Variants in FBXO31 observed in about 807,000 individuals in gnomAD.
The protein encoded by FBXO31 is F-box protein 31.
In FBXO31, 24 loss-of-function variants were observed where a neutral mutation model predicts 54.4. The observed-to-expected ratio is 0.44, with a 90% CI of 0.32 to 0.62. The LOEUF is 0.62. Among genes scored for constraint, FBXO31 ranks in the 20% least tolerant of loss-of-function variants. The pLI, the probability that FBXO31 is intolerant of heterozygous loss-of-function variation, is 0.05. For missense variants in FBXO31, 665 were observed against 787.1 expected (o/e 0.84, Z 1.86); for synonymous variants, 388 against 335.6 (o/e 1.16, Z -1.71).
chr16:87,375,275 C>A (rs1167200664), intron 1 of FBXO31, among the ~76,000 whole-genome samples: 2 of 152,092 alleles, frequency 1.3e-5, no homozygotes, highest in African/African-American at 4.8e-5. Context: ...CCACTGCACT[C>A]CAGCCTGGGT....
chr16:87,368,020 T>G (rs935181536), intron 1 of FBXO31: 19 of 152,318 alleles, frequency 1.2e-4, no homozygotes, highest in Admixed American at 8.5e-4. Context: ...TTAGCTAGGA[T>G]AGCCACATCA....
chr16:87,335,244 C>T lies in FBXO31; in HGVS notation c.996+60G>A. On this transcript the variant is annotated intron_variant, in intron 7 of 8. Transcript: ENST00000311635. The surrounding 1 kb of genome is among the most constrained non-coding windows in gnomAD (Gnocchi z 5.7). ...AGTGTCTGCCCAAGTTCCCTGACTC[C>T]ACAGCCCACTTGGGCCAGGTGCCCC... The T allele has an allele frequency of 3.4e-5, 54 of 1,604,196 alleles. 3 individuals carry two copies. In the South Asian group the frequency reaches 5.9e-4, roughly 18 times the overall value.
chr16:87,351,126 C>T lies in FBXO31; in HGVS notation c.413-3876G>A, dbSNP rs541135309. 5.9e-5 allele frequency among the ~76,000 whole-genome samples: 9 copies of T among 152,288 alleles called. No homozygotes were observed. In the South Asian group the frequency reaches 1.7e-3, roughly 28 times the overall value. On this transcript the variant is annotated intron_variant, in intron 2 of 8. Transcript: ENST00000311635. Reference sequence around the variant, plus strand: ...GACCCAGAGGGGACACAGACTTCCTCGTGGAATCGCAAAGCCTGTGTCTGA... The same window carrying T: ...GACCCAGAGGGGACACAGACTTCCTTGTGGAATCGCAAAGCCTGTGTCTGA...
intron 1 of FBXO31, among the ~76,000 whole-genome samples, chr16:87,375,935 C>A (rs895740681): frequency 2.6e-5 from 4 of 152,206 alleles, no homozygotes; most frequent in African/African-American, 9.6e-5. Flanking sequence ...AGTCACTCCA[C>A]TTCCCCACAT....
chr16:87,357,169 C>T (rs1186123323), intron 2 of FBXO31, among the ~76,000 whole-genome samples: 2 of 151,656 alleles, frequency 1.3e-5, no homozygotes, highest in Non-Finnish European at 2.9e-5. Flanking sequence ...CGCTTCAGCC[C>T]AGGAGTTCAA....
chr16:87,375,047 G>A (rs944152428), intron 1 of FBXO31, among the ~76,000 whole-genome samples: 2 of 152,144 alleles, frequency 1.3e-5, no homozygotes, highest in African/African-American at 2.4e-5. Flanking sequence ...GGCCAGGTGC[G>A]GTGGCTCACG....
chr16:87,356,357 T>C (rs553065588), intron 2 of FBXO31, among the ~76,000 whole-genome samples: 19 of 152,194 alleles, frequency 1.2e-4, no homozygotes, highest in African/African-American at 4.3e-4. Context: ...CACTGACTGC[T>C]CAGAGGAAGG....
intron 1 of FBXO31, among the ~76,000 whole-genome samples, chr16:87,377,448 T>A (rs928874628): frequency 6.6e-6 from 1 of 151,956 alleles, no homozygotes; most frequent in African/African-American, 2.4e-5. Flanking sequence ...AGACCCTGTC[T>A]CAAAAAAGTT....
intron 2 of FBXO31, among the ~76,000 whole-genome samples, chr16:87,347,659 G>A (rs978157719): frequency 7.7e-5 from 10 of 130,568 alleles, no homozygotes; most frequent in East Asian, 6.6e-4. Flanking sequence ...CAGCCCGGGC[G>A]ACAGAGGGAA....
Position 87,383,258 on chromosome 16 carries a change from C to T in FBXO31, c.340+147G>A, listed in dbSNP as rs936088418. 8 of 782,472 alleles carry T rather than the reference C, an allele frequency of 1.0e-5. No homozygotes were observed. The African/African-American group carries it at 1.3e-4, about 13-fold the overall frequency. The allele number at this position is 782,472 out of a possible 1,614,324, so 48.5% of individuals were successfully genotyped here. A position where few individuals can be genotyped will look rare whatever the true frequency, so the allele number is the denominator to read the frequency against. ...GTGGTGTCACCGCGGCCGCTCCCCA[C>T]CCACACCCAAAACACCACATCGCCG... On this transcript the variant is annotated intron_variant, in intron 1 of 8. Coordinates refer to ENST00000311635, the MANE Select transcript of FBXO31 (RefSeq NM_024735.5). The surrounding 1 kb of genome is among the most constrained non-coding windows in gnomAD (Gnocchi z 4.9).
chr16:87,386,835 A>G (rs1190275307), upstream of FBXO31, among the ~76,000 whole-genome samples: 1 of 152,228 alleles, frequency 6.6e-6, no homozygotes, highest in Non-Finnish European at 1.5e-5. Context: ...ACCTTAAATA[A>G]AAAATGAGCT....
At chr16:87,388,245 C>G (rs1385553432), upstream of FBXO31, among the ~76,000 whole-genome samples, 1 of 152,242 alleles carries the variant, frequency 6.6e-6, no homozygotes, top group African/African-American at 2.4e-5. Flanking sequence ...GGGAGGAAGA[C>G]ACTGAACATA....
chr16:87,375,028 C>T (rs904050504), intron 1 of FBXO31, among the ~76,000 whole-genome samples: 9 of 152,064 alleles, frequency 5.9e-5, no homozygotes, highest in African/African-American at 1.4e-4. Flanking sequence ...ACAAAAAATA[C>T]AAAAGTTAGG....
chr16:87,356,211 AGAGT>A (rs1439106106), intron 2 of FBXO31, among the ~76,000 whole-genome samples: 2 of 150,648 alleles, frequency 1.3e-5, no homozygotes, highest in African/African-American at 4.9e-5. Flanking sequence ...CCTGGGTGAC[AGAGT>A]GAGACTCCAT....
At chr16:87,364,243 G>A (rs987133530) in intron 1 of FBXO31, among the ~76,000 whole-genome samples, 4 of 152,328 alleles carry the variant, frequency 2.6e-5, no homozygotes, top group East Asian at 1.9e-4. Flanking sequence ...ACGCCTCACC[G>A]CACAGGAGGG....
intron 1 of FBXO31, among the ~76,000 whole-genome samples, chr16:87,372,100 T>G (rs1443517292): frequency 6.6e-6 from 1 of 152,022 alleles, no homozygotes. Context: ...GGCACATGCA[T>G]GTAGTCCTAG....
chr16:87,344,668 G>T (rs1905302931), intron 3 of FBXO31, among the ~76,000 whole-genome samples: 1 of 151,458 alleles, frequency 6.6e-6, no homozygotes, highest in Non-Finnish European at 1.5e-5. Flanking sequence ...ATTACTCACT[G>T]CCAGTAAGTA....
At chr16:87,374,237 C>G (rs1025857903) in intron 1 of FBXO31, among the ~76,000 whole-genome samples, 1 of 150,820 alleles carries the variant, frequency 6.6e-6, no homozygotes, top group African/African-American at 2.4e-5. Context: ...GGCCCTGTCT[C>G]CACAAAAAGA....
chr16:87,382,337 C>G (rs1476166293), intron 1 of FBXO31, among the ~76,000 whole-genome samples: 2 of 152,186 alleles, frequency 1.3e-5, no homozygotes, highest in African/African-American at 4.8e-5. Flanking sequence ...TTATTTTTGA[C>G]TGCTGGGGTC....
Sources: gnomAD v4.1 joint callset for allele counts (sites outside exome capture counted in the v4.1 genomes callset) on GRCh38, gnomAD v4.1.1 for gene constraint, Gnocchi (gnomAD v3.1) non-coding constraint, MANE v1.5 for transcripts, NCBI Gene and HGNC (gene_info 2026-07-23, HGNC 2026-07-21) for gene names.